PBX4: variants seen among roughly 807,000 people sequenced by gnomAD.
PBX4 encodes pre-B-cell leukemia transcription factor 4.
PBX4 carries 26 observed loss-of-function variants against 35.1 expected under a neutral mutation model. The observed-to-expected ratio is 0.74, with a 90% CI of 0.54 to 1.03. The LOEUF (loss-of-function observed/expected upper bound fraction) is 1.03, where lower values mean the gene tolerates loss of function less well. Among genes scored for constraint, PBX4 ranks in the 50% least tolerant of loss-of-function variants. The pLI is 0.00. For synonymous variants in PBX4, 199 were observed against 204.2 expected (o/e 0.97, Z 0.22); for missense variants, 448 against 504.3 (o/e 0.89, Z 1.07).
chr19:19,599,443 C>T (rs80341635), intron 1 of PBX4, 78 bp from the exon 2 acceptor site: 18,224 of 1,313,890 alleles, frequency 0.014, 605 homozygotes, highest in Admixed American at 0.079. Context: ...ATCTTCCATA[C>T]TGAGAAATCA....
intron 2 of PBX4, among the ~76,000 whole-genome samples, chr19:19,596,282 C>CAA (rs2061560418): frequency 6.6e-6 from 1 of 151,772 alleles, no homozygotes; most frequent in African/African-American, 2.4e-5. Flanking sequence ...CCCAGCTACT[C>CAA]AGAGGCTGAG....
chr19:19,569,408 T>G (rs2061365715), intron 5 of PBX4, 41 bp downstream of exon 5: 1 of 1,579,946 alleles, frequency 6.3e-7, no homozygotes, highest in South Asian at 1.2e-5. Flanking sequence ...AGTCATCCAC[T>G]CCTCCCAGGC....
chr19:19,601,923 G>A (rs1326670095), intron 1 of PBX4, among the ~76,000 whole-genome samples: 1 of 152,106 alleles, frequency 6.6e-6, no homozygotes, highest in Non-Finnish European at 1.5e-5. Context: ...CAGATCGCTG[G>A]AGCTCAGGAG....
At chr19:19,591,625 G>A (rs1221547859) in intron 2 of PBX4, among the ~76,000 whole-genome samples, 1 of 152,194 alleles carries the variant, frequency 6.6e-6, no homozygotes, top group African/African-American at 2.4e-5. Flanking sequence ...TGGGATGGCC[G>A]AGTGGGTCTG....
intron 1 of PBX4, chr19:19,608,268 C>G (rs925109644): frequency 6.6e-6 from 1 of 151,726 alleles, no homozygotes; most frequent in Non-Finnish European, 1.5e-5. Context: ...ACAGGAGAAT[C>G]GCTTGAGCCT....
chr19:19,562,408 C>A lies in PBX4; in HGVS notation c.1033-291G>T, dbSNP rs2061312985. On this transcript the variant is annotated intron_variant, in intron 7 of 7. Transcript: ENST00000251203. This position sits in a 1 kb window ranked among gnomAD's most constrained non-coding sequence, Gnocchi z 4.8. ...TGACTGGCATCGGGTACAACAAGGG[C>A]TCCTGCCCGGCGAGGGGCAGGGAGG... is the stretch of plus-strand genomic sequence containing the variant. Among the ~76,000 whole-genome samples the A allele has an allele frequency of 6.6e-6, 1 of 152,162 alleles. No homozygotes were observed. The highest frequency in any genetic ancestry group is 2.4e-5 in the African/African-American group (1 of 41,454).
chr19:19,610,082 C>CA (rs1246497703), intron 1 of PBX4, among the ~76,000 whole-genome samples: 3 of 152,086 alleles, frequency 2.0e-5, no homozygotes, highest in Non-Finnish European at 4.4e-5. Flanking sequence ...GGGATTTTGC[C>CA]AAAAGACTTT....
At chr19:19,567,641 A>G (rs2061351163) in intron 5 of PBX4, among the ~76,000 whole-genome samples, 1 of 152,176 alleles carries the variant, frequency 6.6e-6, no homozygotes, top group Non-Finnish European at 1.5e-5. Flanking sequence ...GCTTGCTGCC[A>G]TAGGCTGCCT....
At chr19:19,588,630 T>C (rs1216514380) in intron 2 of PBX4, among the ~76,000 whole-genome samples, 1 of 152,070 alleles carries the variant, frequency 6.6e-6, no homozygotes, top group Non-Finnish European at 1.5e-5. Context: ...ATGAGAGCCA[T>C]GGGGGAAAGG....
intron 2 of PBX4, among the ~76,000 whole-genome samples, chr19:19,587,535 C>T (rs1391868003): frequency 2.0e-5 from 3 of 147,440 alleles, no homozygotes; most frequent in Non-Finnish European, 4.5e-5. Flanking sequence ...TTGTGGTGAG[C>T]CAAGATCGAG....
At chr19:19,597,332 A>C (rs1051654200) in intron 2 of PBX4, among the ~76,000 whole-genome samples, 1 of 152,226 alleles carries the variant, frequency 6.6e-6, no homozygotes, top group African/African-American at 2.4e-5. Flanking sequence ...TAGTCACCAG[A>C]TCTCTTCTGA....
intron 2 of PBX4, among the ~76,000 whole-genome samples, chr19:19,592,315 T>C (rs1258772151): frequency 1.3e-5 from 2 of 152,178 alleles, no homozygotes; most frequent in Non-Finnish European, 2.9e-5. Context: ...TCAGGGTTTA[T>C]TTTGTTCTCA....
At chr19:19,613,445 CAAAAA>C (rs57256131) in intron 1 of PBX4, among the ~76,000 whole-genome samples, 2 of 113,624 alleles carry the variant, frequency 1.8e-5, no homozygotes, top group Non-Finnish European at 4.0e-5. Context: ...GACTCTGTCT[CAAAAA>C]AAAAAAAAAA....
intron 5 of PBX4, 22 bp from the exon 6 acceptor site, chr19:19,565,111 T>C: frequency 6.8e-6 from 11 of 1,613,952 alleles, no homozygotes; most frequent in Non-Finnish European, 9.3e-6. Flanking sequence ...CAGGAGTCAC[T>C]GGAGGAGCTG....
intron 2 of PBX4, among the ~76,000 whole-genome samples, chr19:19,598,358 C>T (rs2061573350): frequency 2.1e-5 from 3 of 140,340 alleles, no homozygotes; most frequent in South Asian, 2.2e-4. Context: ...AGTGCAATGG[C>T]GCGATCTCGG....
intron 1 of PBX4, among the ~76,000 whole-genome samples, chr19:19,601,064 G>A (rs2061594680): frequency 6.6e-6 from 1 of 152,152 alleles, no homozygotes; most frequent in Admixed American, 6.6e-5. Context: ...AAGAGGGAGG[G>A]AGTGAGACAC....
chr19:19,570,435 A>C, intron 3 of PBX4, 136 bp from the exon 4 acceptor site: 14 of 1,430,626 alleles, frequency 9.8e-6, no homozygotes, highest in Admixed American at 2.1e-5. Flanking sequence ...GTAAATGGAA[A>C]GGGCTTTCAG....
At chr19:19,606,674 C>T (rs2061633421) in intron 1 of PBX4, 1 of 152,268 alleles carries the variant, frequency 6.6e-6, no homozygotes, top group South Asian at 2.1e-4. Flanking sequence ...GCTGGTATGT[C>T]TAACAAGTAT....
At chr19:19,581,516 C>T (rs1181847430) in intron 2 of PBX4, among the ~76,000 whole-genome samples, 3 of 152,168 alleles carry the variant, frequency 2.0e-5, no homozygotes, top group East Asian at 1.9e-4. Context: ...TTGCGGGTGG[C>T]GGTGGCACTG....
Sources: gnomAD v4.1 joint callset for allele counts (sites outside exome capture counted in the v4.1 genomes callset) on GRCh38, gnomAD v4.1.1 for gene constraint, Gnocchi (gnomAD v3.1) non-coding constraint, MANE v1.5 for transcripts, NCBI Gene and HGNC (gene_info 2026-07-23, HGNC 2026-07-21) for gene names.